Variants in DNAH2 observed in about 807,000 individuals in gnomAD.
DNAH2 encodes axonemal beta dynein heavy chain 2.
In DNAH2, 323 loss-of-function variants were observed where a neutral mutation model predicts 523.5. The ratio of observed to expected loss-of-function variants is 0.62; its 90% CI spans 0.56 to 0.68. The LOEUF (loss-of-function observed/expected upper bound fraction) is 0.68. DNAH2 is among the 30% of genes least tolerant of loss of function. The pLI is 0.00. For synonymous variants in DNAH2, 2,093 were observed against 2,177.4 expected (o/e 0.96, Z 1.08); for missense variants, 4,907 against 5,701.5 (o/e 0.86, Z 4.49).
rs753326081 is a variant in DNAH2, at chr17:7,831,784, A to T, written c.12726+9A>T. The T allele has an allele frequency of 2.4e-5, 39 of 1,609,348 alleles. No individual in the cohort carries two copies. The highest frequency in any genetic ancestry group is 3.2e-5 in the Non-Finnish European group (38 of 1,176,262). On this transcript the variant is annotated intron_variant, in intron 82 of 85. Coordinates refer to ENST00000572933, the MANE Select transcript of DNAH2 (RefSeq NM_020877.5). This position sits in a 1 kb window ranked among gnomAD's most constrained non-coding sequence, Gnocchi z 4.2. The stretch of plus-strand genomic sequence containing the variant: ...CTCCGCTCTGGGGAAAGGCAAGATT[A>T]TACCATTGTTGATCCTTCTCCAACA...
At chr17:7,753,327 T>G (rs2075742486) in intron 12 of DNAH2, among the ~76,000 whole-genome samples, 1 of 152,094 alleles carries the variant, frequency 6.6e-6, no homozygotes, top group Non-Finnish European at 1.5e-5. Context: ...AGTAGACAGT[T>G]GCACAACGAA....
In DNAH2 at chr17:7,804,961, G is replaced by A. The variant is rs761601410; in HGVS notation, c.9187G>A (p.Val3063Ile). 120 of 1,613,636 alleles carry A rather than the reference G, an allele frequency of 7.4e-5. 1 individual carries two copies. Among genetic ancestry groups the A allele is most frequent in the East Asian group, 8.9e-5 (4 of 44,888 alleles). ...KREADEQQKAVTANSEKIAVE... is the reference protein window; with the variant it reads ...KREADEQQKAITANSEKIAVE... ...CTTGTCCTTTTTTCATCCCTAGGCC[G>A]TAACAGCCAACAGTGAAAAGATTGC... Residue 3063 changes from valine (V) to isoleucine (I), a missense_variant, in exon 60 of 86, where the codon GTA becomes ATA. Coordinates refer to ENST00000572933, the MANE Select transcript of DNAH2 (RefSeq NM_020877.5).
In DNAH2 at chr17:7,819,046, A is replaced by G; in HGVS notation, c.10798A>G (p.Thr3600Ala). 2 of 1,607,618 alleles carry G rather than the reference A, an allele frequency of 1.2e-6. No homozygotes were observed. The highest frequency in any genetic ancestry group is 1.7e-6 in the Non-Finnish European group (2 of 1,179,418). ...GACCAGTGAGACCACAGAGATCAAC[A>G]CTGACTTGGCGCGGGAGGTAAGCTC... ...LETSETTEIN[T>A]DLAREAYRPC... is the part of the protein sequence containing the mutation. Residue 3600 changes from threonine (T) to alanine (A), a missense_variant, in exon 71 of 86, where the codon ACT becomes GCT. Thr to Ala is a moderately conservative substitution (Grantham distance 58). Transcript: ENST00000572933.
chr17:7,737,330 ATTCGGCAG>A, intron 8 of DNAH2, 72 bp downstream of exon 8: 14 of 1,492,890 alleles, frequency 9.4e-6, no homozygotes, highest in Non-Finnish European at 1.3e-5. Flanking sequence ...GGGGGAATGC[ATTCGGCAG>A]AGGATCTGTG....
At chr17:7,795,428 C>G (rs1384662932) in intron 49 of DNAH2, among the ~76,000 whole-genome samples, 1 of 151,706 alleles carries the variant, frequency 6.6e-6, no homozygotes, top group African/African-American at 2.4e-5. Flanking sequence ...ATCCCAGTAC[C>G]TTAGTAGGCT....
Position 7,734,255 on chromosome 17 carries a change from T to G in DNAH2, c.701T>G (p.Met234Arg). 1 of 1,607,524 alleles carries G rather than the reference T, an allele frequency of 6.2e-7. No individual in the cohort carries two copies. The highest frequency in any genetic ancestry group is 1.1e-5 in the South Asian group (1 of 89,762). ...PAEAMNMKPE[M>R]VIKDKELVQR... ...GAGGCCATGAACATGAAGCCTGAGA[T>G]GGTGATAAAGGACAAAGAGCTGGTG... The change falls in exon 6 of 86, where the codon ATG becomes AGG. Residue 234 changes from methionine (M) to arginine (R), a missense_variant. Physicochemically the swap from Met to Arg is moderately conservative, Grantham distance 91 (BLOSUM62 -1). Coordinates refer to ENST00000572933, the MANE Select transcript of DNAH2 (RefSeq NM_020877.5).
chr17:7,803,017 G>A (rs1241906232), intron 58 of DNAH2, among the ~76,000 whole-genome samples: 1 of 152,128 alleles, frequency 6.6e-6, no homozygotes, highest in Non-Finnish European at 1.5e-5. Context: ...ATCCACGGAT[G>A]TGGATACGGA....
intron 12 of DNAH2, among the ~76,000 whole-genome samples, chr17:7,756,209 C>T (rs1041993166): frequency 1.3e-5 from 2 of 151,668 alleles, no homozygotes; most frequent in African/African-American, 4.8e-5. Context: ...CACTGCACTC[C>T]AGCCTGGGTG....
chr17:7,760,939 GGTGAGGGTGGATTGAAA>G lies in DNAH2; in HGVS notation c.2978+10_2978+26del, dbSNP rs545409597. ...TTGTTGCCGACATTGCCCGGTGAGT[GGTGAGGGTGGATTGAAA>G]GTCTGTCTGTAGGAGGCACAGCACT... On this transcript the variant is annotated splice_region_variant and intron_variant, in intron 18 of 85. Transcript: ENST00000572933. The surrounding 1 kb of genome is among the most constrained non-coding windows in gnomAD (Gnocchi z 4.0). 2.9e-3 allele frequency: 4,733 copies of G among 1,613,562 alleles called. 3 individuals carry two copies. The highest frequency in any genetic ancestry group is 3.7e-3 in the Non-Finnish European group (4,374 of 1,179,610).
chr17:7,817,355 C>CAT lies in DNAH2; in HGVS notation c.9961_9962dup (p.Met3321IlefsTer6). 6.2e-7 allele frequency: 1 copy of CAT among 1,612,812 alleles called. No individual in the cohort carries two copies. Among genetic ancestry groups the CAT allele is most frequent in the Non-Finnish European group, 8.5e-7 (1 of 1,179,692 alleles). ...TCCTGGCAGCTGCCTTCCTGTCCTA[C>CAT]ATGGGACCCTTCCTGACCAACTACC... On this transcript the variant is annotated frameshift_variant, in exon 65 of 86. Transcript: ENST00000572933. LOFTEE classifies it high-confidence loss of function.
At position 7,794,216 on chromosome 17, in the gene DNAH2, C is replaced by T. The variant is rs189578894; in HGVS notation, c.7570-38C>T. ...TGTCGGCGCCTCTCTTGCCCTCTCCCCTCCTGCCTGTCTGCCCTCCTTGTC... is the reference window on the plus strand; with the variant it reads ...TGTCGGCGCCTCTCTTGCCCTCTCCTCTCCTGCCTGTCTGCCCTCCTTGTC... On this transcript the variant is annotated intron_variant, in intron 48 of 85. Coordinates refer to ENST00000572933, the MANE Select transcript of DNAH2 (RefSeq NM_020877.5). The T allele has an allele frequency of 5.9e-6, 9 of 1,524,960 alleles. No individual in the cohort carries two copies. In the South Asian group the frequency reaches 6.1e-5, roughly 10 times the overall value. 94.5% of individuals were successfully genotyped at this position (1,524,960 alleles called of 1,614,324 possible). A position where few individuals can be genotyped will look rare whatever the true frequency, so the allele number is the denominator to read the frequency against.
At chr17:7,811,825 G>A (rs1028464894) in intron 63 of DNAH2, among the ~76,000 whole-genome samples, 12 of 152,148 alleles carry the variant, frequency 7.9e-5, no homozygotes, top group Admixed American at 7.2e-4. Flanking sequence ...ACCGTAGCAG[G>A]GTGGGGGTTC....
chr17:7,722,196 G>A (rs562322668), intron 2 of DNAH2, among the ~76,000 whole-genome samples: 16 of 144,768 alleles, frequency 1.1e-4, no homozygotes, highest in Middle Eastern at 3.5e-3. Context: ...ACGGGGGGGG[G>A]GGTTCACCAT....
rs1338777736 is a variant in DNAH2 at position 7,751,921 on chromosome 17, GT to G, written c.1905-5169del. 2.3e-3 allele frequency among the ~76,000 whole-genome samples: 40 copies of G among 17,578 alleles called. No homozygotes were observed. The East Asian group carries it at 0.29, about 126-fold the overall frequency. The allele number at this position is 17,578 out of a possible 152,430, so 11.5% of individuals were successfully genotyped here. A position where few individuals can be genotyped will look rare whatever the true frequency, so the allele number is the denominator to read the frequency against. On this transcript the variant is annotated intron_variant, in intron 12 of 85. Transcript: ENST00000572933. Reference sequence around the variant, plus strand: ...GAGTCTTTCCAAGAATAGTTGTGGGGTGTGTGTGTGTGTGTGTGTGTGTGTG... The same window carrying G: ...GAGTCTTTCCAAGAATAGTTGTGGGGGTGTGTGTGTGTGTGTGTGTGTGTG...
chr17:7,784,656 A>T (rs1325857891), intron 39 of DNAH2, among the ~76,000 whole-genome samples: 1 of 152,234 alleles, frequency 6.6e-6, no homozygotes, highest in Non-Finnish European at 1.5e-5. Context: ...AAGGCCATAA[A>T]TTTGCCTCAA....
intron 63 of DNAH2, among the ~76,000 whole-genome samples, chr17:7,808,589 G>A (rs983742271): frequency 1.3e-5 from 2 of 151,990 alleles, no homozygotes; most frequent in Non-Finnish European, 1.5e-5. Context: ...GTTTCCCCTC[G>A]CCCACCTTCT....
At chr17:7,797,614 G>T in intron 52 of DNAH2, 66 bp from the exon 53 acceptor site, 1 of 1,613,838 alleles carries the variant, frequency 6.2e-7, no homozygotes, top group Non-Finnish European at 8.5e-7. Context: ...GGTCTGAAGT[G>T]TGGAGCCCTG....
intron 12 of DNAH2, among the ~76,000 whole-genome samples, chr17:7,746,900 T>A (rs1186963624): frequency 6.6e-6 from 1 of 150,838 alleles, no homozygotes; most frequent in Non-Finnish European, 1.5e-5. Context: ...GGCAGGAGAA[T>A]CACTTGAACT....
chr17:7,823,189 G>A (rs1184586728), intron 73 of DNAH2, among the ~76,000 whole-genome samples: 4 of 151,790 alleles, frequency 2.6e-5, no homozygotes, highest in Admixed American at 2.0e-4. Flanking sequence ...AGCTACTCAG[G>A]AGGCTGAGGC....
Sources: allele counts gnomAD v4.1 joint callset (sites outside exome capture counted in the v4.1 genomes callset), GRCh38; gene constraint gnomAD v4.1.1; non-coding constraint Gnocchi (gnomAD v3.1); transcripts MANE v1.5; gene names NCBI Gene and HGNC (gene_info 2026-07-23, HGNC 2026-07-21).